The following HNRNPU variants were observed in gnomAD, a reference collection of about 807,000 sequenced individuals.
HNRNPU encodes heterogeneous nuclear ribonucleoprotein U.
HNRNPU carries 5 observed loss-of-function variants against 94.7 expected under a neutral mutation model. The observed-to-expected ratio is 0.05, with a 90% confidence interval of 0.03 to 0.11. HNRNPU has a LOEUF of 0.11. HNRNPU is among the 10% of genes least tolerant of loss of function. The probability of loss-of-function intolerance (pLI) is 1.00; values close to 1 mark genes in which losing one functional copy is unlikely to be tolerated. For missense variants in HNRNPU, 710 were observed against 1,049.2 expected (o/e 0.68, Z 4.47); for synonymous variants, 434 against 381.6 (o/e 1.14, Z -1.60).
intron 12 of HNRNPU, 104 bp downstream of exon 12, chr1:244,855,320 A>G (rs1374229527): frequency 1.4e-5 from 16 of 1,130,540 alleles, no homozygotes. Flanking sequence ...GTCAATGCCT[A>G]TCATGTTCCT....
chr1:244,862,756 G>T, intron 1 of HNRNPU, 26 bp from the exon 2 acceptor site: 1 of 1,553,738 alleles, frequency 6.4e-7, no homozygotes, highest in Non-Finnish European at 8.9e-7. Flanking sequence ...GCCCCATAAA[G>T]GCCAAGCCTC....
chr1:244,855,461 T>C lies in HNRNPU; in HGVS notation c.2315A>G (p.Asn772Ser), dbSNP rs757462101. The change falls in exon 12 of 14, where the codon AAC becomes AGC. Residue 772 changes from asparagine to serine, a missense_variant. By Grantham distance (46) the Asn-to-Ser change is conservative. Transcript: ENST00000640218. ...CCCTCTGTTGGGCATTCCACCTCTG[T>C]TGTAGTTCCCTCTGTTTGAGTAACT... ...RGSYSNRGNYNRGGMPNRGNY... is the reference protein window; with the variant it reads ...RGSYSNRGNYSRGGMPNRGNY... 8 of 1,613,878 alleles carry C rather than the reference T, an allele frequency of 5.0e-6. No individual in the cohort carries two copies. In the East Asian group the frequency reaches 1.1e-4, roughly 22 times the overall value.
chr1:244,860,204 G>A, intron 4 of HNRNPU, 131 bp downstream of exon 4: 2 of 664,992 alleles, frequency 3.0e-6, no homozygotes, highest in Non-Finnish European at 5.1e-6. Context: ...AGAGACTGAA[G>A]CAAGGAGAAT....
chr1:244,859,461 A>C, intron 4 of HNRNPU, 87 bp from the exon 5 acceptor site: 1 of 663,694 alleles, frequency 1.5e-6, no homozygotes. Flanking sequence ...CCACGGGCTA[A>C]TCTTCCTCTA....
In HNRNPU at chr1:244,863,119, C is replaced by T. The variant is rs1370075294; in HGVS notation, c.692-389G>A. The T allele has an allele frequency of 2.2e-5, 4 of 185,444 alleles. No individual in the cohort carries two copies. The Admixed American group carries it at 2.5e-4, about 12-fold the overall frequency. 11.5% of individuals were successfully genotyped at this position (185,444 alleles called of 1,614,324 possible). ...TGATCTTCCGCCCCCCGCCCCGCCC[C>T]GCCCGGCTCCTCCCGCCGGAAGTGA... On this transcript the variant is annotated intron_variant, in intron 1 of 13. Transcript: ENST00000640218.
In HNRNPU at chr1:244,858,248, G is replaced by A. The variant is rs754779292; in HGVS notation, c.1257C>T (p.Leu419=). ...FANFESDEVE[L]SYAKNGQDLG... is the part of the protein sequence containing the mutation. ...GATCTTGTCCATTCTTAGCATACGA[G>A]AGTTCTACTTCATCACTTTCAAAGT... is the stretch of plus-strand genomic sequence containing the variant. The change falls in exon 7 of 14, where the codon CTC becomes CTT. Residue 419 remains leucine, a synonymous_variant. Transcript: ENST00000640218. The A allele has an allele frequency of 6.2e-7, 1 of 1,613,966 alleles. No individual in the cohort carries two copies. Among genetic ancestry groups the A allele is most frequent in the Non-Finnish European group, 8.5e-7 (1 of 1,179,902 alleles).
In HNRNPU at chr1:244,860,327, G is replaced by T; in HGVS notation, c.1017+8C>A. On this transcript the variant is annotated splice_region_variant and intron_variant, in intron 4 of 13. Transcript: ENST00000640218. ...AAACAAACAAACAAATCATAAAATT[G>T]CATTTACCTTCATCTCAAAACACAC... The T allele has an allele frequency of 1.2e-6, 2 of 1,606,220 alleles. No homozygotes were observed. Among genetic ancestry groups the T allele is most frequent in the South Asian group, 2.2e-5 (2 of 89,914 alleles).
At chr1:244,862,807 C>G in intron 1 of HNRNPU, 77 bp from the exon 2 acceptor site, 1 of 992,638 alleles carries the variant, frequency 1.0e-6, no homozygotes, top group Non-Finnish European at 1.6e-6. Context: ...AGAACCAAAG[C>G]AGCTCGACTT....
intron 3 of HNRNPU, 126 bp downstream of exon 3, chr1:244,862,335 T>A: frequency 4.6e-6 from 3 of 650,374 alleles, no homozygotes; most frequent in Middle Eastern, 7.1e-4. Context: ...TGTAAACCAT[T>A]ATCTTCCTGC....
chr1:244,858,101 T>G lies in HNRNPU; in HGVS notation c.1404A>C (p.Pro468=). 2.5e-6 allele frequency: 4 copies of G among 1,614,112 alleles called. No homozygotes were observed. Among genetic ancestry groups the G allele is most frequent in the Non-Finnish European group, 3.4e-6 (4 of 1,179,942 alleles). Residue 468 remains proline (P), a synonymous_variant, in exon 7 of 14, where the codon CCA becomes CCC. Transcript: ENST00000640218. ...NFGQKEKPYF[P]IPEEYTFIQN... ...GGATGAAAGTATACTCTTCAGGTAT[T>G]GGAAAATATGGCTTTTCCTTCTGAC...
At chr1:244,854,625 C>T (rs1680628171) in intron 13 of HNRNPU, 122 bp from the exon 14 acceptor site, 2 of 696,534 alleles carry the variant, frequency 2.9e-6, no homozygotes, top group African/African-American at 1.8e-5. Flanking sequence ...ACCTGTCATA[C>T]CTCTGATTTC....
chr1:244,861,209 T>C (rs1680816904), intron 3 of HNRNPU: 2 of 152,246 alleles, frequency 1.3e-5, no homozygotes, highest in Non-Finnish European at 2.9e-5. Flanking sequence ...ATTTTCTTTT[T>C]ACTGATCAGA....
intron 1 of HNRNPU, among the ~76,000 whole-genome samples, chr1:244,863,289 G>A (rs1204701059): frequency 1.3e-5 from 2 of 148,868 alleles, no homozygotes; most frequent in African/African-American, 5.0e-5. Context: ...GCCACCGCGG[G>A]CCGACCGGGC....
chr1:244,856,236 G>A, intron 10 of HNRNPU, 78 bp from the exon 11 acceptor site: 1 of 1,409,874 alleles, frequency 7.1e-7, no homozygotes, highest in South Asian at 1.3e-5. Context: ...CAATTCTTGA[G>A]GTTTAGTAAC....
At chr1:244,856,342 C>A in intron 10 of HNRNPU, 115 bp downstream of exon 10, 1 of 1,250,806 alleles carries the variant, frequency 8.0e-7, no homozygotes, top group Admixed American at 2.3e-5. Context: ...AAAATGTTAA[C>A]TTTCAGGAGG....
intron 3 of HNRNPU, 80 bp downstream of exon 3, chr1:244,862,370 TGCTGCACTTAA>T: frequency 1.2e-6 from 1 of 858,570 alleles, no homozygotes; most frequent in Non-Finnish European, 1.8e-6. Flanking sequence ...ACCCAAGTTT[TGCTGCACTTAA>T]GCATTAAGAC....
rs370644996 is a variant in HNRNPU at position 244,850,974 on chromosome 1, T to A, written c.*3476A>T. 1 of 151,878 alleles carries A rather than the reference T, an allele frequency of 6.6e-6. No homozygotes were observed. Among genetic ancestry groups the A allele is most frequent in the Non-Finnish European group, 1.5e-5 (1 of 67,994 alleles). The allele number at this position is 151,878 out of a possible 1,614,324, so 9.4% of individuals were successfully genotyped here. ...ATAAAATTCTCTGCTACAAGTTCCA[T>A]CCACTTTTTTTTTTTCAAGAGACCA... On this transcript the variant is annotated 3_prime_UTR_variant, in exon 14 of 14. Coordinates refer to ENST00000640218, the MANE Select transcript of HNRNPU (RefSeq NM_031844.3).
rs2102985016 is a variant in HNRNPU at position 244,855,516 on chromosome 1, G to A, written c.2260C>T (p.Pro754Ser). 1.2e-6 allele frequency: 2 copies of A among 1,613,972 alleles called. No homozygotes were observed. Among genetic ancestry groups the A allele is most frequent in the Non-Finnish European group, 1.7e-6 (2 of 1,179,942 alleles). Residue 754 changes from proline to serine, a missense_variant, in exon 12 of 14, where the codon CCT becomes TCT. Pro to Ser is a moderately conservative substitution (Grantham distance 74). Around this residue, in one of 8 missense-constraint regions of HNRNPU, gnomAD observed 152 missense variants for 238.9 expected, o/e 0.64. Coordinates refer to ENST00000640218, the MANE Select transcript of HNRNPU (RefSeq NM_031844.3). ...GGSGGIGYPYPRAPVFPGRGS... is the reference protein window; with the variant it reads ...GGSGGIGYPYSRAPVFPGRGS... ...CGGCCAGGAAAAACAGGGGCACGAG[G>A]GTATGGATAGCCGATTCCACCACTT...
rs1472351682 is a variant in HNRNPU at position 244,850,746 on chromosome 1, A to C, written c.*3704T>G. 6.6e-6 allele frequency: 1 copy of C among 152,124 alleles called. No individual in the cohort carries two copies. The highest frequency in any genetic ancestry group is 6.5e-5 in the Admixed American group (1 of 15,268). The allele number at this position is 152,124 out of a possible 1,614,324, so 9.4% of individuals were successfully genotyped here. ...TATGTGTTTGCTTTTATTATTACTA[A>C]AATGTTAAAACTTAAACCCAATTAT... is the stretch of plus-strand genomic sequence containing the variant. On this transcript the variant is annotated 3_prime_UTR_variant, in exon 14 of 14. Transcript: ENST00000640218.
Sources: allele counts gnomAD v4.1 joint callset (sites outside exome capture counted in the v4.1 genomes callset), GRCh38; gene constraint gnomAD v4.1.1; regional missense constraint gnomAD v4.1.1; transcripts MANE v1.5; gene names NCBI Gene and HGNC (gene_info 2026-07-23, HGNC 2026-07-21).